The following SYNJ2 variants were observed in gnomAD, a reference collection of about 807,000 sequenced individuals.
The protein encoded by SYNJ2 is polyphosphatidylinositol phosphatase SYNJ2.
In SYNJ2, 116 loss-of-function variants were observed where a neutral mutation model predicts 141.3. The ratio of observed to expected loss-of-function variants is 0.82; its 90% confidence interval spans 0.71 to 0.96. The LOEUF (loss-of-function observed/expected upper bound fraction) is 0.96, where lower values mean the gene tolerates loss of function less well. Ranked by LOEUF, SYNJ2 falls within the 40% of genes least tolerant of loss-of-function variation. SYNJ2 has a pLI of 0.00. For missense variants in SYNJ2, 1,873 were observed against 1,934.8 expected (o/e 0.97, Z 0.60); for synonymous variants, 745 against 777.7 (o/e 0.96, Z 0.70).
chr6:158,089,022 T>G (rs1048942352), intron 24 of SYNJ2, among the ~76,000 whole-genome samples: 1 of 152,126 alleles, frequency 6.6e-6, no homozygotes, highest in Non-Finnish European at 1.5e-5. Context: ...CTCATCCATT[T>G]CTCTCTCTTC....
At chr6:158,095,479 C>T (rs1234755830) in intron 26 of SYNJ2, 139 bp from the exon 27 acceptor site, 10 of 1,144,362 alleles carry the variant, frequency 8.7e-6, no homozygotes, top group African/African-American at 1.6e-5. Context: ...TTCTGGCACC[C>T]CACACATTCT....
In SYNJ2 at chr6:158,017,331, C is replaced by G. The variant is rs755809887; in HGVS notation, c.214+41C>G. On this transcript the variant is annotated intron_variant, in intron 2 of 26. Coordinates refer to ENST00000355585, the MANE Select transcript of SYNJ2 (RefSeq NM_003898.4). ...CTGGAGGAGCAGGCGCCAGGCTCCC[C>G]GGTGGGCAGGAGCCTCTGTGTCGGA... 11 of 1,580,368 alleles carry G rather than the reference C, an allele frequency of 7.0e-6. No individual in the cohort carries two copies. In the African/African-American group the frequency reaches 1.5e-4, roughly 21 times the overall value.
intron 12 of SYNJ2, 64 bp from the exon 13 acceptor site, chr6:158,068,583 C>T: frequency 6.3e-7 from 1 of 1,587,098 alleles, no homozygotes; most frequent in African/African-American, 1.3e-5. Context: ...CTGGGGAGCC[C>T]CATGAACTCG....
At chr6:158,029,088 G>A (rs559323501) in intron 3 of SYNJ2, 62 bp downstream of exon 3, 3 of 1,574,336 alleles carry the variant, frequency 1.9e-6, no homozygotes, top group South Asian at 1.2e-5. Context: ...GTGGGCCCTG[G>A]TTGGCATCTG....
At chr6:158,083,694 C>T (rs1437697635) in intron 21 of SYNJ2, 97 bp downstream of exon 21, 31 of 1,492,322 alleles carry the variant, frequency 2.1e-5, no homozygotes, top group East Asian at 1.4e-4. Flanking sequence ...GCAGAAGTGA[C>T]GGAGGACACC....
Position 158,068,654 on chromosome 6 carries a change from C to T in SYNJ2, c.1725C>T (p.Ser575=). ...TCTTGCCTTGCTCCCCAGATGACAGCAGCCCAGCTGACATATTTGCTGTGG... is the reference window on the plus strand; with the variant it reads ...TCTTGCCTTGCTCCCCAGATGACAGTAGCCCAGCTGACATATTTGCTGTGG... ...LSGATDSQDD[S]SPADIFAVGF... Residue 575 remains serine (S), a synonymous_variant, in exon 13 of 27, where the codon AGC becomes AGT. Transcript: ENST00000355585. 1.2e-6 allele frequency: 2 copies of T among 1,614,246 alleles called. No homozygotes were observed. The highest frequency in any genetic ancestry group is 2.2e-5 in the South Asian group (2 of 91,084).
intron 4 of SYNJ2, among the ~76,000 whole-genome samples, chr6:158,036,596 C>T (rs1369797672): frequency 6.6e-6 from 1 of 152,046 alleles, no homozygotes; most frequent in East Asian, 1.9e-4. Context: ...AGGGGAACAA[C>T]ACACACTGGG....
chr6:158,018,534 C>T (rs945491433), intron 2 of SYNJ2, among the ~76,000 whole-genome samples: 1 of 152,196 alleles, frequency 6.6e-6, no homozygotes. Context: ...AGCACGGTTA[C>T]GTTGGCCATT....
intron 8 of SYNJ2, 36 bp downstream of exon 8, chr6:158,062,200 TG>T: frequency 6.3e-7 from 1 of 1,597,050 alleles, no homozygotes; most frequent in Non-Finnish European, 8.5e-7. Context: ...CGTCTTCTGC[TG>T]GGGGGAAGCG....
intron 1 of SYNJ2, among the ~76,000 whole-genome samples, chr6:158,015,563 CTG>C (rs1778422298): frequency 6.6e-6 from 1 of 152,236 alleles, no homozygotes; most frequent in African/African-American, 2.4e-5. Context: ...TTAGCTATGT[CTG>C]TGACTCTGTC....
chr6:158,096,222 A>C lies in SYNJ2; in HGVS notation c.4349A>C (p.Asp1450Ala). Residue 1450 changes from aspartate (D) to alanine (A), a missense_variant, in exon 27 of 27, where the codon GAC becomes GCC. Physicochemically the swap from Asp to Ala is moderately radical, Grantham distance 126. Coordinates refer to ENST00000355585, the MANE Select transcript of SYNJ2 (RefSeq NM_003898.4). ...GTRSPKRDPI[D>A]PVSAGASAAK... ...AGGAGCCCCAAAAGAGATCCCATAGACCCAGTGTCAGCTGGCGCTTCAGCT... is the reference window on the plus strand; with the variant it reads ...AGGAGCCCCAAAAGAGATCCCATAGCCCCAGTGTCAGCTGGCGCTTCAGCT... The C allele has an allele frequency of 6.2e-7, 1 of 1,614,196 alleles. No homozygotes were observed. The highest frequency in any genetic ancestry group is 8.5e-7 in the Non-Finnish European group (1 of 1,180,038).
At chr6:158,021,112 A>G (rs1393659863) in intron 2 of SYNJ2, among the ~76,000 whole-genome samples, 4 of 152,172 alleles carry the variant, frequency 2.6e-5, no homozygotes, top group African/African-American at 9.7e-5. Flanking sequence ...TGATTATAGC[A>G]ATTTAAATTC....
chr6:158,034,431 C>T (rs905998067), intron 4 of SYNJ2, among the ~76,000 whole-genome samples: 3 of 152,244 alleles, frequency 2.0e-5, no homozygotes, highest in African/African-American at 7.2e-5. Flanking sequence ...TGCGTCCCCC[C>T]TCGCTGCCGC....
chr6:157,996,575 A>G (rs1777641208), intron 1 of SYNJ2, among the ~76,000 whole-genome samples: 1 of 152,062 alleles, frequency 6.6e-6, no homozygotes, highest in Non-Finnish European at 1.5e-5. Context: ...CCCAGGTGAT[A>G]TGGTTTGGAT....
At chr6:158,060,064 CCCCACAGGGCA>C (rs1352730618) in intron 7 of SYNJ2, among the ~76,000 whole-genome samples, 2 of 152,212 alleles carry the variant, frequency 1.3e-5, no homozygotes, top group Admixed American at 6.5e-5. Context: ...GTTCCCCCAG[CCCCACAGGGCA>C]CCCGGCCTCA....
chr6:158,025,038 A>T (rs1163997815), intron 2 of SYNJ2, among the ~76,000 whole-genome samples: 1 of 152,236 alleles, frequency 6.6e-6, no homozygotes, highest in Non-Finnish European at 1.5e-5. Context: ...GCTGTGACAA[A>T]GTTCCGTAGT....
At chr6:157,999,238 G>C (rs138479395) in intron 1 of SYNJ2, among the ~76,000 whole-genome samples, 552 of 152,382 alleles carry the variant, frequency 3.6e-3, no homozygotes, top group Non-Finnish European at 6.0e-3. Context: ...CATGGTCACT[G>C]TTGGGTGGGT....
In SYNJ2 at chr6:158,025,979, G is replaced by GCATACATACATACATACATA. The variant is rs147538629; in HGVS notation, c.215-2760_215-2759insATACATACATACATACATAC. On this transcript the variant is annotated intron_variant, in intron 2 of 26. Coordinates refer to ENST00000355585, the MANE Select transcript of SYNJ2 (RefSeq NM_003898.4). ...AAAAATAAATAAATAAATAATACAT[G>GCATACATACATACATACATA]CATACATACATACATACGTACATAC... is the stretch of plus-strand genomic sequence containing the variant. 1.5e-3 allele frequency among the ~76,000 whole-genome samples: 207 copies of GCATACATACATACATACATA among 133,930 alleles called. 1 individual carries two copies. Among genetic ancestry groups the GCATACATACATACATACATA allele is most frequent in the Non-Finnish European group, 2.7e-3 (160 of 59,750 alleles). The allele number at this position is 133,930 out of a possible 152,430, so 87.9% of individuals were successfully genotyped here. A position where few individuals can be genotyped will look rare whatever the true frequency, so the allele number is the denominator to read the frequency against.
At position 158,069,431 on chromosome 6, in the gene SYNJ2, A is replaced by C. The variant is rs116798432; in HGVS notation, c.1800-102A>C. The C allele has an allele frequency of 7.9e-4, 1,110 of 1,397,742 alleles. 7 individuals carry two copies. In the African/African-American group the frequency reaches 0.014, roughly 17 times the overall value. The allele number at this position is 1,397,742 out of a possible 1,614,324, so 86.6% of individuals were successfully genotyped here. ...ATTGGGGTGCGGGCAGCGTGAAATC[A>C]GTTCTGCAAACAGAATAGGCTTGGG... On this transcript the variant is annotated intron_variant, in intron 13 of 26. Coordinates refer to ENST00000355585, the MANE Select transcript of SYNJ2 (RefSeq NM_003898.4).
Sources: gnomAD v4.1 joint callset for allele counts (sites outside exome capture counted in the v4.1 genomes callset) on GRCh38, gnomAD v4.1.1 for gene constraint, MANE v1.5 for transcripts, NCBI Gene and HGNC (gene_info 2026-07-23, HGNC 2026-07-21) for gene names.